The following SORCS2 variants were observed in gnomAD, a reference collection of about 807,000 sequenced individuals.
The protein encoded by SORCS2 is sortilin related VPS10 domain containing receptor 2.
Under a neutral mutation model 141.6 loss-of-function variants are expected in SORCS2, and 100 were observed. That is an observed-to-expected ratio of 0.71 (90% CI 0.60 to 0.83). SORCS2 has a LOEUF of 0.83. SORCS2 is among the 40% of genes least tolerant of loss of function. The pLI is 0.00. For missense variants in SORCS2, 1,646 were observed against 1,560.2 expected, an observed-to-expected ratio of 1.05 and a Z score of -0.93; for synonymous variants, 789 against 676.9, an observed-to-expected ratio of 1.17 and a Z score of -2.57.
chr4:7,354,289 TC>T (rs541628233), intron 1 of SORCS2, among the ~76,000 whole-genome samples: 2 of 151,618 alleles, frequency 1.3e-5, no homozygotes, highest in African/African-American at 4.9e-5. Flanking sequence ...CTTGGACGTA[TC>T]CCCCCATGGT....
chr4:7,589,610 C>T (rs1171884337), intron 3 of SORCS2, among the ~76,000 whole-genome samples: 2 of 152,144 alleles, frequency 1.3e-5, no homozygotes, highest in African/African-American at 2.4e-5. Flanking sequence ...ACCATATTGG[C>T]CAGGCTTGTC....
chr4:7,682,192 A>G (rs1723563590), intron 9 of SORCS2, among the ~76,000 whole-genome samples: 1 of 152,194 alleles, frequency 6.6e-6, no homozygotes, highest in African/African-American at 2.4e-5. Context: ...GCCCTGAGCA[A>G]TGAAGGCAAG....
chr4:7,724,112 G>A (rs1381144635), intron 19 of SORCS2, among the ~76,000 whole-genome samples: 34 of 145,972 alleles, frequency 2.3e-4, no homozygotes, highest in Non-Finnish European at 3.9e-4. Context: ...GATAGTGGTG[G>A]TGATGGTGGT....
intron 1 of SORCS2, among the ~76,000 whole-genome samples, chr4:7,316,193 C>A (rs9995241): frequency 0.6 from 91,333 of 151,108 alleles, 27,624 homozygotes; most frequent in South Asian, 0.73. Flanking sequence ...CATCCATCCA[C>A]CCATCCAGCT....
intron 1 of SORCS2, among the ~76,000 whole-genome samples, chr4:7,323,353 CT>C (rs1191194249): frequency 1.1e-4 from 17 of 152,182 alleles, no homozygotes; most frequent in Non-Finnish European, 2.2e-4. Flanking sequence ...AGAATCATGG[CT>C]TTCTGTGGAT....
chr4:7,627,831 C>T (rs767328139), intron 3 of SORCS2, among the ~76,000 whole-genome samples: 7 of 152,212 alleles, frequency 4.6e-5, no homozygotes, highest in South Asian at 2.1e-4. Flanking sequence ...AAACCACTTT[C>T]GGTATCTGGT....
At chr4:7,427,954 G>T (rs191592411) in intron 2 of SORCS2, among the ~76,000 whole-genome samples, 82 of 152,230 alleles carry the variant, frequency 5.4e-4, no homozygotes, top group African/African-American at 1.9e-3. Flanking sequence ...GAGGGCGGGG[G>T]GATGGAGGTT....
chr4:7,447,745 C>T (rs933655793), intron 2 of SORCS2, among the ~76,000 whole-genome samples: 2 of 152,130 alleles, frequency 1.3e-5, no homozygotes, highest in African/African-American at 4.8e-5. Flanking sequence ...GAAGACGGAG[C>T]CGGGCATTTC....
intron 1 of SORCS2, among the ~76,000 whole-genome samples, chr4:7,358,939 A>G (rs1341971803): frequency 6.6e-6 from 1 of 152,104 alleles, no homozygotes; most frequent in African/African-American, 2.4e-5. Flanking sequence ...CCTGGGCTCA[A>G]GTGATCCTTC....
rs758745304 is a variant in SORCS2 at position 7,196,233 on chromosome 4, C to T, written c.480+3107C>T. 2.0e-5 allele frequency among the ~76,000 whole-genome samples: 3 copies of T among 152,262 alleles called. No individual in the cohort carries two copies. The East Asian group carries it at 5.8e-4, about 29-fold the overall frequency. On this transcript the variant is annotated intron_variant, in intron 1 of 26. Coordinates refer to ENST00000507866, the MANE Select transcript of SORCS2 (RefSeq NM_020777.3). ...GTTTCATTGAAACCAAGAGGTATTG[C>T]GTTTTTATGGATCTAGAGTGGGCTG...
chr4:7,427,988 C>T (rs552401612), intron 2 of SORCS2, among the ~76,000 whole-genome samples: 1 of 152,226 alleles, frequency 6.6e-6, no homozygotes, highest in Admixed American at 6.5e-5. Flanking sequence ...AGGGCAGGAA[C>T]AGGTTCGCTC....
intron 19 of SORCS2, among the ~76,000 whole-genome samples, chr4:7,724,147 C>CGTGGTGGTGGTGGTGGTGATGGTCGTG (rs1184606330): frequency 3.7e-4 from 41 of 110,604 alleles, no homozygotes; most frequent in African/African-American, 1.5e-3. Flanking sequence ...TGGTGATGGT[C>CGTGGTGGTGGTGGTGGTGATGGTCGTG]GTGGTGGTGG....
Position 7,711,287 on chromosome 4 carries a change from C to T in SORCS2, c.1869-1446C>T, listed in dbSNP as rs566067789. Among the ~76,000 whole-genome samples, 4 of 152,344 alleles carry T rather than the reference C, an allele frequency of 2.6e-5. No homozygotes were observed. In the South Asian group the frequency reaches 8.3e-4, roughly 32 times the overall value. On this transcript the variant is annotated intron_variant, in intron 14 of 26. Coordinates refer to ENST00000507866, the MANE Select transcript of SORCS2 (RefSeq NM_020777.3). ...CCCGTGGAGCCAAATCTTCAAATAT[C>T]AGCCTCAGATGCTCAGACCCAGCTG...
chr4:7,737,564 T>C (rs78743433), intron 26 of SORCS2, among the ~76,000 whole-genome samples: 184 of 152,250 alleles, frequency 1.2e-3, no homozygotes, highest in East Asian at 0.011. Flanking sequence ...CTCCCAGTCC[T>C]CCACTTCACT....
At position 7,193,132 on chromosome 4, in the gene SORCS2, T is replaced by G. The variant is rs892533467; in HGVS notation, c.480+6T>G. On this transcript the variant is annotated splice_donor_region_variant and intron_variant, in intron 1 of 26. Coordinates refer to ENST00000507866, the MANE Select transcript of SORCS2 (RefSeq NM_020777.3). This position sits in a 1 kb window ranked among gnomAD's most constrained non-coding sequence, Gnocchi z 4.8. ...GGACGGGCGAGAACAGCAGCGTAAG[T>G]GACCTCCACGCGCTCGCCGCGGCCC... 40 of 1,522,038 alleles carry G rather than the reference T, an allele frequency of 2.6e-5. No homozygotes were observed. The highest frequency in any genetic ancestry group is 3.5e-5 in the Non-Finnish European group (40 of 1,145,186). 94.3% of individuals were successfully genotyped at this position (1,522,038 alleles called of 1,614,324 possible).
intron 2 of SORCS2, among the ~76,000 whole-genome samples, chr4:7,436,336 C>G (rs1235898621): frequency 6.6e-6 from 1 of 152,258 alleles, no homozygotes; most frequent in African/African-American, 2.4e-5. Context: ...TTCATTCAGT[C>G]CATCGCCTGA....
chr4:7,700,700 C>T (rs189290806), intron 12 of SORCS2, among the ~76,000 whole-genome samples: 10 of 152,296 alleles, frequency 6.6e-5, no homozygotes, highest in African/African-American at 9.6e-5. Context: ...CCCCTGCCCC[C>T]GCTCCACCCC....
intron 11 of SORCS2, among the ~76,000 whole-genome samples, chr4:7,696,961 C>T (rs1219250962): frequency 1.3e-5 from 2 of 152,226 alleles, no homozygotes; most frequent in Admixed American, 6.5e-5. Context: ...CTGAGCTCCA[C>T]CTGTCCCGGG....
intron 3 of SORCS2, among the ~76,000 whole-genome samples, chr4:7,617,480 A>G (rs1718844032): frequency 6.6e-6 from 1 of 152,162 alleles, no homozygotes; most frequent in Admixed American, 6.5e-5. Flanking sequence ...GTGTGCATAG[A>G]ATCTGCTGTC....
Sources: gnomAD v4.1 joint callset for allele counts (sites outside exome capture counted in the v4.1 genomes callset) on GRCh38, gnomAD v4.1.1 for gene constraint, Gnocchi (gnomAD v3.1) non-coding constraint, MANE v1.5 for transcripts, NCBI Gene and HGNC (gene_info 2026-07-23, HGNC 2026-07-21) for gene names.